FAM193A: variants seen among roughly 807,000 people sequenced by gnomAD.
FAM193A encodes family with sequence similarity 193 member A, also known as protein FAM193A.
A neutral mutation model predicts 126.5 loss-of-function variants in FAM193A; 22 were observed. That is an observed-to-expected ratio of 0.17 (90% CI 0.12 to 0.25). The LOEUF is 0.25. FAM193A is among the 10% of genes least tolerant of loss of function. The probability of loss-of-function intolerance (pLI) is 1.00; values close to 1 mark genes in which losing one functional copy is unlikely to be tolerated. For synonymous variants in FAM193A, 761 were observed against 646.8 expected, an observed-to-expected ratio of 1.18 and a Z score of -2.68; for missense variants, 1,675 against 1,672.8, an observed-to-expected ratio of 1.00 and a Z score of -0.02.
chr4:2,672,173 C>G lies in FAM193A; in HGVS notation c.2132C>G (p.Ser711Cys), dbSNP rs1195686615. 1 of 1,614,102 alleles carries G rather than the reference C, an allele frequency of 6.2e-7. No homozygotes were observed. Among genetic ancestry groups the G allele is most frequent in the East Asian group, 2.2e-5 (1 of 44,898 alleles). ...TGTCATGTTTGTAAGCAGGAAGCTTCTGGACTGACACCATCTGCAATGACA... is the reference window on the plus strand; with the variant it reads ...TGTCATGTTTGTAAGCAGGAAGCTTGTGGACTGACACCATCTGCAATGACA... ...CECHVCKQEA[S>C]GLTPSAMTAG... Residue 711 changes from serine to cysteine, a missense_variant, in exon 13 of 21, where the codon TCT becomes TGT. Physicochemically the swap from Ser to Cys is moderately radical, Grantham distance 112. This residue lies in a region of FAM193A where 1,186 missense variants were observed against 1,109.2 expected (regional missense o/e 1.07). Transcript: ENST00000637812.
At chr4:2,592,015 A>G (rs1411094700) in intron 1 of FAM193A, among the ~76,000 whole-genome samples, 1 of 152,168 alleles carries the variant, frequency 6.6e-6, no homozygotes, top group Non-Finnish European at 1.5e-5. Flanking sequence ...TACACATTTT[A>G]TATATTTACA....
At chr4:2,703,429 T>C (rs1313143170) in intron 19 of FAM193A, among the ~76,000 whole-genome samples, 1 of 152,158 alleles carries the variant, frequency 6.6e-6, no homozygotes, top group African/African-American at 2.4e-5. Flanking sequence ...GTATTTTTAA[T>C]AGAGATGAGG....
At chr4:2,589,049 G>T (rs1279425826) in intron 1 of FAM193A, among the ~76,000 whole-genome samples, 1 of 152,168 alleles carries the variant, frequency 6.6e-6, no homozygotes, top group Non-Finnish European at 1.5e-5. Flanking sequence ...GCAGGGATAT[G>T]AAACTTGCCC....
chr4:2,539,705 C>T (rs1285118974), intron 1 of FAM193A, among the ~76,000 whole-genome samples: 2 of 152,090 alleles, frequency 1.3e-5, no homozygotes, highest in Non-Finnish European at 2.9e-5. Context: ...CTGCACCTGG[C>T]CTATCAAGGT....
chr4:2,552,099 C>T (rs886644911), intron 1 of FAM193A, among the ~76,000 whole-genome samples: 8 of 151,192 alleles, frequency 5.3e-5, no homozygotes, highest in African/African-American at 1.5e-4. Flanking sequence ...GCAAGCTCCG[C>T]CTCCTGGGTT....
At chr4:2,671,959 C>T (rs1713849141) in intron 12 of FAM193A, among the ~76,000 whole-genome samples, 162 bp from the exon 13 acceptor site, 1 of 152,172 alleles carries the variant, frequency 6.6e-6, no homozygotes, top group African/African-American at 2.4e-5. Context: ...TCTTGGGGTC[C>T]CTCGTTTTCC....
chr4:2,658,989 G>C (rs1712059883), intron 8 of FAM193A, among the ~76,000 whole-genome samples: 1 of 152,186 alleles, frequency 6.6e-6, no homozygotes, highest in Non-Finnish European at 1.5e-5. Context: ...GACCTCAGGT[G>C]ATCCGCCTGC....
chr4:2,586,318 T>G (rs567195719), intron 1 of FAM193A, among the ~76,000 whole-genome samples: 107 of 152,284 alleles, frequency 7.0e-4, no homozygotes, highest in Non-Finnish European at 1.3e-3. Context: ...TTTGGTGTCT[T>G]GAAAATGTTT....
intron 1 of FAM193A, among the ~76,000 whole-genome samples, chr4:2,544,798 G>A (rs1737447128): frequency 6.6e-6 from 1 of 152,040 alleles, no homozygotes; most frequent in African/African-American, 2.4e-5. Context: ...GAGCTCAGGA[G>A]TCTGAGGGTT....
chr4:2,694,865 A>G (rs1577220913), intron 16 of FAM193A, 81 bp from the exon 17 acceptor site: 4 of 1,222,430 alleles, frequency 3.3e-6, no homozygotes, highest in South Asian at 1.4e-5. Context: ...TGGGCAGGAC[A>G]GTGGGTGGTC....
intron 10 of FAM193A, among the ~76,000 whole-genome samples, chr4:2,661,105 CTT>C (rs1712386327): frequency 6.6e-6 from 1 of 152,130 alleles, no homozygotes; most frequent in African/African-American, 2.4e-5. Context: ...GTTATGGTCT[CTT>C]GTGTCACGTG....
chr4:2,601,197 T>G lies in FAM193A; in HGVS notation c.501+4868T>G, dbSNP rs368906432. The stretch of plus-strand genomic sequence containing the variant: ...GTCTCTTTTCACTTCTTACCTGATT[T>G]GTAGATTTGACTTTTTATTTCTTCT... On this transcript the variant is annotated intron_variant, in intron 2 of 20. Coordinates refer to ENST00000637812, the MANE Select transcript of FAM193A (RefSeq NM_001366318.2). Among the ~76,000 whole-genome samples, 100 of 151,940 alleles carry G rather than the reference T, an allele frequency of 6.6e-4. 2 individuals carry two copies. In the South Asian group the frequency reaches 0.02, roughly 31 times the overall value.
intron 13 of FAM193A, among the ~76,000 whole-genome samples, chr4:2,686,047 G>A (rs1432382919): frequency 6.6e-6 from 1 of 152,104 alleles, no homozygotes; most frequent in African/African-American, 2.4e-5. Flanking sequence ...ATCATTGGTG[G>A]ACTTATAAAG....
At chr4:2,668,361 G>A (rs1374434584) in intron 12 of FAM193A, among the ~76,000 whole-genome samples, 2 of 151,846 alleles carry the variant, frequency 1.3e-5, no homozygotes, top group East Asian at 1.9e-4. Flanking sequence ...TTACAGATGC[G>A]CACCACCACG....
At position 2,639,810 on chromosome 4, in the gene FAM193A, T is replaced by G; in HGVS notation, c.1114T>G (p.Ser372Ala). The G allele has an allele frequency of 6.2e-7, 1 of 1,614,166 alleles. No homozygotes were observed. Among genetic ancestry groups the G allele is most frequent in the Non-Finnish European group, 8.5e-7 (1 of 1,179,998 alleles). ...ACACCTGTTTGAAAATCTGGTCTTT[T>G]CGGAGCCACTTCTTCAGAGCAACTT... Reference protein sequence around the residue: ...NKHLFENLVFSEPLLQSNLPA... With the variant: ...NKHLFENLVFAEPLLQSNLPA... Residue 372 changes from serine (S) to alanine (A), a missense_variant, in exon 6 of 21, where the codon TCG becomes GCG. By Grantham distance (99) the Ser-to-Ala change is moderately conservative (BLOSUM62 1). Coordinates refer to ENST00000637812, the MANE Select transcript of FAM193A (RefSeq NM_001366318.2).
At chr4:2,658,894 G>A (rs1712048557) in intron 8 of FAM193A, among the ~76,000 whole-genome samples, 1 of 152,280 alleles carries the variant, frequency 6.6e-6, no homozygotes, top group African/African-American at 2.4e-5. Flanking sequence ...GGGATTACAG[G>A]TGCCAGCCAC....
intron 7 of FAM193A, among the ~76,000 whole-genome samples, chr4:2,651,112 C>T (rs967617427): frequency 6.6e-6 from 1 of 152,158 alleles, no homozygotes; most frequent in African/African-American, 2.4e-5. Context: ...GGGCGGATCA[C>T]CTGAGGTCGG....
At chr4:2,552,940 C>G (rs1218009653) in intron 1 of FAM193A, among the ~76,000 whole-genome samples, 1 of 150,752 alleles carries the variant, frequency 6.6e-6, no homozygotes, top group East Asian at 1.9e-4. Context: ...CTCTGCCTCC[C>G]AGCCTCAAGC....
intron 1 of FAM193A, among the ~76,000 whole-genome samples, chr4:2,538,024 C>T (rs1268050386): frequency 1.3e-5 from 2 of 152,126 alleles, no homozygotes; most frequent in African/African-American, 2.4e-5. Context: ...GCAATTGGCG[C>T]AGTCATTTCC....
Sources: allele counts gnomAD v4.1 joint callset (sites outside exome capture counted in the v4.1 genomes callset), GRCh38; gene constraint gnomAD v4.1.1; regional missense constraint gnomAD v4.1.1; transcripts MANE v1.5; gene names NCBI Gene and HGNC (gene_info 2026-07-23, HGNC 2026-07-21).